The following SEMA5A variants were observed in gnomAD, a reference collection of about 807,000 sequenced individuals.
SEMA5A encodes the protein semaphorin 5A.
In SEMA5A, 55 loss-of-function variants were observed where a neutral mutation model predicts 135.5. That is an observed-to-expected ratio of 0.41 (90% CI 0.33 to 0.51). The LOEUF (loss-of-function observed/expected upper bound fraction) is 0.51. Ranked by LOEUF, SEMA5A falls within the 20% of genes least tolerant of loss-of-function variation. The pLI, the probability that SEMA5A is intolerant of heterozygous loss-of-function variation, is 0.37. For missense variants in SEMA5A, 1,290 were observed against 1,419.9 expected, an observed-to-expected ratio of 0.91 and a Z score of 1.47; for synonymous variants, 580 against 546.5, an observed-to-expected ratio of 1.06 and a Z score of -0.85.
intron 2 of SEMA5A, among the ~76,000 whole-genome samples, chr5:9,430,855 T>A (rs1295306496): frequency 6.6e-6 from 1 of 152,016 alleles, no homozygotes; most frequent in East Asian, 1.9e-4. Context: ...TTTGTTTTTT[T>A]TTTAGCAAAG....
At chr5:9,525,642 C>T (rs1737083965) in intron 1 of SEMA5A, among the ~76,000 whole-genome samples, 1 of 152,222 alleles carries the variant, frequency 6.6e-6, no homozygotes, top group Non-Finnish European at 1.5e-5. Context: ...GCCTCCAGAA[C>T]TTCAATCACT....
intron 3 of SEMA5A, among the ~76,000 whole-genome samples, chr5:9,356,811 T>A (rs1754469418): frequency 6.6e-6 from 1 of 152,180 alleles, no homozygotes; most frequent in South Asian, 2.1e-4. Flanking sequence ...AAGTGACCCA[T>A]CAAATAAAGC....
intron 5 of SEMA5A, among the ~76,000 whole-genome samples, chr5:9,272,638 CT>C (rs1222350338): frequency 2.6e-5 from 4 of 152,158 alleles, no homozygotes; most frequent in Admixed American, 6.5e-5. Context: ...GTGGGTGCCC[CT>C]GTGGGACAAA....
intron 9 of SEMA5A, among the ~76,000 whole-genome samples, chr5:9,198,716 C>T (rs972166273): frequency 3.3e-5 from 5 of 152,132 alleles, no homozygotes; most frequent in African/African-American, 1.2e-4. Context: ...CTTCATTATC[C>T]TTAGAGAGAA....
intron 5 of SEMA5A, among the ~76,000 whole-genome samples, chr5:9,315,125 T>C (rs1163554840): frequency 2.0e-5 from 3 of 152,204 alleles, no homozygotes; most frequent in Admixed American, 1.3e-4. Flanking sequence ...TTGCATCTAT[T>C]TATTTGGACA....
chr5:9,329,197 G>T (rs759476884), intron 4 of SEMA5A, among the ~76,000 whole-genome samples: 1 of 137,374 alleles, frequency 7.3e-6, no homozygotes, highest in Non-Finnish European at 1.6e-5. Context: ...CTTTACTCAG[G>T]CTTCCCTTGG....
At chr5:9,107,597 C>T (rs1041289724) in intron 16 of SEMA5A, among the ~76,000 whole-genome samples, 1 of 152,180 alleles carries the variant, frequency 6.6e-6, no homozygotes, top group South Asian at 2.1e-4. Flanking sequence ...AACAGAAAAA[C>T]TCCTGGGACA....
chr5:9,300,628 T>C (rs1331072891), intron 5 of SEMA5A, among the ~76,000 whole-genome samples: 1 of 152,224 alleles, frequency 6.6e-6, no homozygotes, highest in African/African-American at 2.4e-5. Flanking sequence ...ATATATCTAT[T>C]TGGAACCTGT....
At chr5:9,063,240 A>C (rs1737282298) in intron 17 of SEMA5A, 135 bp from the exon 18 acceptor site, 2 of 859,572 alleles carry the variant, frequency 2.3e-6, no homozygotes, top group Non-Finnish European at 3.6e-6. Context: ...AGCTCTTTTT[A>C]CACTTCAGTA....
chr5:9,305,708 G>GTATATATATATATATATATATATATATA (rs146829804), intron 5 of SEMA5A, among the ~76,000 whole-genome samples: 22 of 139,234 alleles, frequency 1.6e-4, no homozygotes, highest in African/African-American at 5.6e-4. Flanking sequence ...GTGTGTGTGC[G>GTATATATATATATATATATATATATATA]TATATATATA....
chr5:9,283,524 T>A (rs1019260103), intron 5 of SEMA5A, among the ~76,000 whole-genome samples: 1 of 152,224 alleles, frequency 6.6e-6, no homozygotes, highest in African/African-American at 2.4e-5. Context: ...CCCTTTTGAC[T>A]AACCTATACT....
At position 9,302,646 on chromosome 5, in the gene SEMA5A, T is replaced by C. The variant is rs928329572; in HGVS notation, c.270+15726A>G. Among the ~76,000 whole-genome samples the C allele has an allele frequency of 2.8e-4, 42 of 152,174 alleles. 2 individuals carry two copies. The highest frequency in any genetic ancestry group is 1.6e-4 in the Non-Finnish European group (11 of 68,042). On this transcript the variant is annotated intron_variant, in intron 5 of 22. Coordinates refer to ENST00000382496, the MANE Select transcript of SEMA5A (RefSeq NM_003966.3). ...GATCTCAGAGCACAAGCACCTAAGATGCTATAATATCGATATTGAACACAT... is the reference window on the plus strand; with the variant it reads ...GATCTCAGAGCACAAGCACCTAAGACGCTATAATATCGATATTGAACACAT...
chr5:9,410,096 CAA>C (rs1246744579), intron 2 of SEMA5A, among the ~76,000 whole-genome samples: 1 of 151,968 alleles, frequency 6.6e-6, no homozygotes. Flanking sequence ...AAAGTTAACA[CAA>C]AAGTTTTATT....
In SEMA5A at chr5:9,390,067, C is replaced by T. The variant is rs1579461406; in HGVS notation, c.-77-10044G>A. 2.0e-5 allele frequency among the ~76,000 whole-genome samples: 3 copies of T among 152,216 alleles called. No homozygotes were observed. In the South Asian group the frequency reaches 6.2e-4, roughly 31 times the overall value. On this transcript the variant is annotated intron_variant, in intron 2 of 22. Coordinates refer to ENST00000382496, the MANE Select transcript of SEMA5A (RefSeq NM_003966.3). ...CAATATTAGCACTTCCATTAAAATGCCATCCAAGTTCCCTTTTCTTCTATG... is the reference window on the plus strand; with the variant it reads ...CAATATTAGCACTTCCATTAAAATGTCATCCAAGTTCCCTTTTCTTCTATG...
intron 16 of SEMA5A, among the ~76,000 whole-genome samples, chr5:9,087,734 T>G (rs1738778265): frequency 6.6e-6 from 1 of 152,092 alleles, no homozygotes; most frequent in African/African-American, 2.4e-5. Flanking sequence ...AACCAACAAA[T>G]GCAGTTACAA....
intron 16 of SEMA5A, among the ~76,000 whole-genome samples, chr5:9,094,165 T>A (rs1739193707): frequency 6.6e-6 from 1 of 152,228 alleles, no homozygotes; most frequent in Non-Finnish European, 1.5e-5. Context: ...CTTGCACCAA[T>A]TCTTTACACA....
chr5:9,411,043 G>A (rs1365265499), intron 2 of SEMA5A, among the ~76,000 whole-genome samples: 1 of 149,554 alleles, frequency 6.7e-6, no homozygotes, highest in East Asian at 2.0e-4. Flanking sequence ...GAAAAACTAT[G>A]TATACTGTGT....
At chr5:9,060,252 C>T (rs1327544862) in intron 18 of SEMA5A, among the ~76,000 whole-genome samples, 4 of 152,198 alleles carry the variant, frequency 2.6e-5, no homozygotes, top group African/African-American at 9.6e-5. Context: ...GTTATGTATA[C>T]ATGGTATTGG....
At chr5:9,209,016 A>G (rs1180137727) in intron 8 of SEMA5A, among the ~76,000 whole-genome samples, 3 of 152,174 alleles carry the variant, frequency 2.0e-5, no homozygotes, top group African/African-American at 7.2e-5. Flanking sequence ...TTCCTGGGGA[A>G]TATGACCCAT....
Sources: allele counts gnomAD v4.1 joint callset (sites outside exome capture counted in the v4.1 genomes callset), GRCh38; gene constraint gnomAD v4.1.1; transcripts MANE v1.5; gene names NCBI Gene and HGNC (gene_info 2026-07-23, HGNC 2026-07-21).